ADGB: variants seen among roughly 807,000 people sequenced by gnomAD.
The protein encoded by ADGB is calpain-7-like protein.
ADGB carries 172 observed loss-of-function variants against 210.5 expected under a neutral mutation model. The ratio of observed to expected loss-of-function variants is 0.82; its 90% confidence interval spans 0.72 to 0.93. The LOEUF (loss-of-function observed/expected upper bound fraction) is 0.93, where lower values mean the gene tolerates loss of function less well. Among genes scored for constraint, ADGB ranks in the 40% least tolerant of loss-of-function variants. The probability of loss-of-function intolerance (pLI) is 0.00; values close to 1 mark genes in which losing one functional copy is unlikely to be tolerated. For synonymous variants in ADGB, 658 were observed against 662.7 expected, an observed-to-expected ratio of 0.99 and a Z score of 0.11; for missense variants, 2,025 against 1,964.8, an observed-to-expected ratio of 1.03 and a Z score of -0.58.
At position 146,601,254 on chromosome 6, in the gene ADGB, G is replaced by GT. The variant is rs998624784; in HGVS notation, c.74+2148dup. 2.4e-4 allele frequency among the ~76,000 whole-genome samples: 37 copies of GT among 151,742 alleles called. No individual in the cohort carries two copies. In the East Asian group the frequency reaches 3.9e-3, roughly 16 times the overall value. ...TGAGATGGTAATAAATGTCTAACAT[G>GT]TTTTTTTTCTAGAAAATATCTGAAT... On this transcript the variant is annotated intron_variant, in intron 1 of 35. Coordinates refer to ENST00000397944, the MANE Select transcript of ADGB (RefSeq NM_024694.4).
In ADGB at chr6:146,717,536, A is replaced by T; in HGVS notation, c.1929A>T (p.Gln643His). The part of the protein sequence containing the change: ...LDFEDFCVCF[Q>H]NIYIFHKPSS... ...CCTGTTAAAAATGTCTTTCTTTCAG[A>T]AATATATATATTTTCCACAAGCCAA... is the stretch of plus-strand genomic sequence containing the variant. Residue 643 changes from glutamine (Q) to histidine (H), a missense_variant and splice_region_variant, in exon 16 of 36, where the codon CAA (glutamine) becomes CAT (histidine). Gln to His is a conservative substitution (Grantham distance 24, BLOSUM62 0). Transcript: ENST00000397944. 1 of 1,374,550 alleles carries T rather than the reference A, an allele frequency of 7.3e-7. No individual in the cohort carries two copies. Among genetic ancestry groups the T allele is most frequent in the Non-Finnish European group, 9.9e-7 (1 of 1,007,560 alleles). 85.1% of individuals were successfully genotyped at this position (1,374,550 alleles called of 1,614,324 possible).
chr6:146,761,635 C>T (rs774320008), intron 27 of ADGB, among the ~76,000 whole-genome samples: 41 of 152,078 alleles, frequency 2.7e-4, no homozygotes, highest in Non-Finnish European at 5.0e-4. Context: ...GCAGATGGTG[C>T]ATATACTTTA....
chr6:146,646,332 CA>C (rs1775610485), intron 3 of ADGB, among the ~76,000 whole-genome samples: 1 of 151,992 alleles, frequency 6.6e-6, no homozygotes, highest in Non-Finnish European at 1.5e-5. Context: ...CCCCTATAGC[CA>C]AGGGACTTAG....
intron 10 of ADGB, among the ~76,000 whole-genome samples, chr6:146,689,948 G>A (rs558828534): frequency 3.1e-4 from 47 of 152,062 alleles, no homozygotes; most frequent in Non-Finnish European, 5.0e-4. Context: ...ATACCAAAGG[G>A]ATAAAAAGAA....
At chr6:146,656,101 G>C (rs939476596) in intron 4 of ADGB, among the ~76,000 whole-genome samples, 9 of 152,182 alleles carry the variant, frequency 5.9e-5, no homozygotes, top group Admixed American at 3.3e-4. Context: ...ACTTAGAGAG[G>C]TGGAAGCAAC....
chr6:146,689,557 A>G (rs1776274434), intron 10 of ADGB, among the ~76,000 whole-genome samples: 1 of 150,944 alleles, frequency 6.6e-6, no homozygotes, highest in Non-Finnish European at 1.5e-5. Context: ...TCTACGGTCT[A>G]AAAAAAAAGT....
chr6:146,652,483 C>T (rs1170602223), intron 3 of ADGB, among the ~76,000 whole-genome samples: 1 of 152,038 alleles, frequency 6.6e-6, no homozygotes, highest in African/African-American at 2.4e-5. Context: ...GACAGTGTTA[C>T]TTTTCCTAAA....
chr6:146,754,515 TACATTTTTCTA>T (rs1777380552), intron 27 of ADGB, among the ~76,000 whole-genome samples: 1 of 151,922 alleles, frequency 6.6e-6, no homozygotes, highest in African/African-American at 2.4e-5. Context: ...CTTAATGCTA[TACATTTTTCTA>T]ACTGGCTACA....
intron 30 of ADGB, among the ~76,000 whole-genome samples, chr6:146,783,584 T>C (rs1262534810): frequency 6.6e-6 from 1 of 152,180 alleles, no homozygotes; most frequent in East Asian, 1.9e-4. Context: ...TAATTTCCAA[T>C]TGTGAAAGTC....
At chr6:146,719,125 G>A (rs1191237124) in intron 16 of ADGB, among the ~76,000 whole-genome samples, 1 of 152,162 alleles carries the variant, frequency 6.6e-6, no homozygotes, top group Admixed American at 6.5e-5. Flanking sequence ...CCCTGTGAAA[G>A]AGATACTATT....
intron 25 of ADGB, among the ~76,000 whole-genome samples, chr6:146,742,594 T>C (rs1209110339): frequency 6.6e-6 from 1 of 152,204 alleles, no homozygotes; most frequent in African/African-American, 2.4e-5. Flanking sequence ...TTTTTACTTA[T>C]TGTTTTTGTT....
chr6:146,813,512 T>A (rs992303857), intron 35 of ADGB, among the ~76,000 whole-genome samples: 2 of 152,170 alleles, frequency 1.3e-5, no homozygotes, highest in Admixed American at 1.3e-4. Context: ...GTGGATATAT[T>A]ATAAATACTA....
chr6:146,660,834 T>G (rs945959216), intron 5 of ADGB, among the ~76,000 whole-genome samples: 1 of 152,222 alleles, frequency 6.6e-6, no homozygotes, highest in Non-Finnish European at 1.5e-5. Flanking sequence ...ACTCTTGTAT[T>G]TTAATTTGTC....
Position 146,745,904 on chromosome 6 carries a change from A to G in ADGB, c.3178-18A>G. Reference sequence around the variant, plus strand: ...ATAACGACATAATTCATTTCTGTGTAATTTGTCTTTCTTATAGAAGGGATA... The same window carrying G: ...ATAACGACATAATTCATTTCTGTGTGATTTGTCTTTCTTATAGAAGGGATA... On this transcript the variant is annotated intron_variant, in intron 25 of 35. Coordinates refer to ENST00000397944, the MANE Select transcript of ADGB (RefSeq NM_024694.4). 6.6e-7 allele frequency: 1 copy of G among 1,523,118 alleles called. No individual in the cohort carries two copies. The highest frequency in any genetic ancestry group is 8.9e-7 in the Non-Finnish European group (1 of 1,128,878). 94.4% of individuals were successfully genotyped at this position (1,523,118 alleles called of 1,614,324 possible).
intron 33 of ADGB, among the ~76,000 whole-genome samples, chr6:146,792,722 T>C (rs536065210): frequency 6.6e-6 from 1 of 152,072 alleles, no homozygotes; most frequent in East Asian, 1.9e-4. Flanking sequence ...AGAGGAGAAA[T>C]AAGAACAGGG....
intron 18 of ADGB, chr6:146,725,579 C>CTT (rs1222874694): frequency 6.6e-6 from 1 of 152,324 alleles, no homozygotes; most frequent in African/African-American, 2.4e-5. Context: ...TGAAACCAGT[C>CTT]CTTGGTGCCA....
At position 146,714,712 on chromosome 6, in the gene ADGB, G is replaced by C. The variant is rs898390140; in HGVS notation, c.1708-670G>C. 8.5e-5 allele frequency among the ~76,000 whole-genome samples: 13 copies of C among 152,182 alleles called. No individual in the cohort carries two copies. The East Asian group carries it at 2.5e-3, about 29-fold the overall frequency. On this transcript the variant is annotated intron_variant, in intron 13 of 35. Coordinates refer to ENST00000397944, the MANE Select transcript of ADGB (RefSeq NM_024694.4). Reference sequence around the variant, plus strand: ...TCTCCTGCTCAGATACCTGCTAATTGCTTCTGAGGTCCTAAGGCATGGATA... The same window carrying C: ...TCTCCTGCTCAGATACCTGCTAATTCCTTCTGAGGTCCTAAGGCATGGATA...
At position 146,719,757 on chromosome 6, in the gene ADGB, A is replaced by G. The variant is rs1337023612; in HGVS notation, c.1993-1646A>G. On this transcript the variant is annotated intron_variant, in intron 16 of 35. Coordinates refer to ENST00000397944, the MANE Select transcript of ADGB (RefSeq NM_024694.4). ...ATTCGCAGGCCCTTGAAAATGACAG[A>G]AAATGAGCTCCGGGCAGAAACTCCT... Among the ~76,000 whole-genome samples the G allele has an allele frequency of 2.0e-5, 3 of 152,198 alleles. No individual in the cohort carries two copies. The East Asian group carries it at 5.8e-4, about 29-fold the overall frequency.
intron 1 of ADGB, among the ~76,000 whole-genome samples, chr6:146,632,470 G>A (rs1383788865): frequency 6.6e-6 from 1 of 152,080 alleles, no homozygotes; most frequent in Admixed American, 6.6e-5. Context: ...CTTTTTCAAT[G>A]GAGGGTAACA....
Sources: allele counts gnomAD v4.1 joint callset (sites outside exome capture counted in the v4.1 genomes callset), GRCh38; gene constraint gnomAD v4.1.1; transcripts MANE v1.5; gene names NCBI Gene and HGNC (gene_info 2026-07-23, HGNC 2026-07-21).